Variants in TMC1 observed in about 807,000 individuals in gnomAD.
TMC1 encodes transmembrane channel like 1, also known as transmembrane channel-like protein 1.
A neutral mutation model predicts 105.8 loss-of-function variants in TMC1; 84 were observed. That is an observed-to-expected ratio of 0.79 (90% confidence interval 0.67 to 0.95). The LOEUF (loss-of-function observed/expected upper bound fraction) is 0.95. Among genes scored for constraint, TMC1 ranks in the 40% least tolerant of loss-of-function variants. The pLI is 0.00. For missense variants in TMC1, 817 were observed against 914.1 expected (o/e 0.89, Z 1.37); for synonymous variants, 315 against 311.5 (o/e 1.01, Z -0.12).
chr9:72,755,072 GA>G (rs1827654483), intron 12 of TMC1, among the ~76,000 whole-genome samples, 188 bp downstream of exon 12: 2 of 43,138 alleles, frequency 4.6e-5, no homozygotes, highest in South Asian at 1.0e-3. Context: ...GGGAGGGAGG[GA>G]GAGAGAGAGA....
chr9:72,565,219 CAATAA>C (rs1007679162), intron 1 of TMC1, among the ~76,000 whole-genome samples: 14 of 152,116 alleles, frequency 9.2e-5, no homozygotes, highest in African/African-American at 3.4e-4. Flanking sequence ...GCATTTGAAA[CAATAA>C]AATAATAAAT....
At chr9:72,643,242 C>T (rs1204317873) in intron 4 of TMC1, among the ~76,000 whole-genome samples, 1 of 151,536 alleles carries the variant, frequency 6.6e-6, no homozygotes, top group African/African-American at 2.4e-5. Context: ...ATGTTTATTT[C>T]ATAACATACT....
At chr9:72,711,281 C>A (rs1404567205) in intron 8 of TMC1, among the ~76,000 whole-genome samples, 1 of 152,036 alleles carries the variant, frequency 6.6e-6, no homozygotes, top group Non-Finnish European at 1.5e-5. Flanking sequence ...GGGTATATAC[C>A]CAGTAATGGG....
chr9:72,647,352 A>G (rs1825732263), intron 4 of TMC1, among the ~76,000 whole-genome samples: 2 of 151,974 alleles, frequency 1.3e-5, no homozygotes, highest in South Asian at 4.1e-4. Flanking sequence ...CTTGCAAAAC[A>G]TCTTTTGTTA....
At chr9:72,525,860 C>T (rs1281985471) in intron 1 of TMC1, among the ~76,000 whole-genome samples, 1 of 152,128 alleles carries the variant, frequency 6.6e-6, no homozygotes, top group African/African-American at 2.4e-5. Context: ...TGGTGGCACA[C>T]ACCTGTATTC....
chr9:72,683,515 GTT>G (rs201907657), intron 5 of TMC1, among the ~76,000 whole-genome samples: 6 of 149,036 alleles, frequency 4.0e-5, no homozygotes, highest in South Asian at 2.1e-4. Flanking sequence ...TTTTAAAGAG[GTT>G]TTTTTTTAAA....
intron 12 of TMC1, among the ~76,000 whole-genome samples, chr9:72,761,392 G>T (rs1226837327): frequency 6.6e-6 from 1 of 152,190 alleles, no homozygotes; most frequent in African/African-American, 2.4e-5. Flanking sequence ...AAAGGTTTAA[G>T]TTGTGAGTAA....
chr9:72,626,043 T>C (rs891838123), intron 3 of TMC1, among the ~76,000 whole-genome samples: 2 of 152,144 alleles, frequency 1.3e-5, no homozygotes, highest in Non-Finnish European at 2.9e-5. Context: ...ATAGAGTGAT[T>C]GTATACCTAT....
intron 1 of TMC1, among the ~76,000 whole-genome samples, chr9:72,555,083 T>C (rs184214799): frequency 1.5e-4 from 23 of 152,018 alleles, no homozygotes; most frequent in Admixed American, 7.9e-4. Flanking sequence ...TTCACCATGT[T>C]GGACAGGGTA....
At chr9:72,824,400 C>T (rs1413907082) in intron 20 of TMC1, among the ~76,000 whole-genome samples, 3 of 152,184 alleles carry the variant, frequency 2.0e-5, no homozygotes, top group Non-Finnish European at 4.4e-5. Context: ...TCGGTGGGTC[C>T]CAAGCTCTTG....
chr9:72,670,234 G>A (rs1826108216), intron 5 of TMC1, among the ~76,000 whole-genome samples: 1 of 152,106 alleles, frequency 6.6e-6, no homozygotes, highest in African/African-American at 2.4e-5. Flanking sequence ...ACATAGGCCT[G>A]GGAATAGCTC....
chr9:72,807,124 G>T (rs34810577), intron 18 of TMC1, among the ~76,000 whole-genome samples: 6 of 152,130 alleles, frequency 3.9e-5, no homozygotes, highest in Non-Finnish European at 1.5e-5. Context: ...GTGTCGGCGC[G>T]AGCCTGCAAT....
intron 4 of TMC1, among the ~76,000 whole-genome samples, chr9:72,632,377 A>G (rs895842450): frequency 1.3e-5 from 2 of 152,162 alleles, no homozygotes; most frequent in African/African-American, 4.8e-5. Context: ...TCAACATAAG[A>G]CTTGGAGAGG....
intron 8 of TMC1, among the ~76,000 whole-genome samples, chr9:72,736,100 A>C (rs1827293559): frequency 1.3e-5 from 2 of 152,184 alleles, no homozygotes; most frequent in African/African-American, 4.8e-5. Context: ...TAGAGTCTGG[A>C]CTTTGTTTAA....
intron 12 of TMC1, among the ~76,000 whole-genome samples, chr9:72,758,945 T>C (rs528634953): frequency 6.6e-6 from 1 of 152,278 alleles, no homozygotes; most frequent in Admixed American, 6.5e-5. Flanking sequence ...CTTGTTTCAG[T>C]ATGCATCAAG....
At chr9:72,780,434 C>T (rs1828077262) in intron 13 of TMC1, among the ~76,000 whole-genome samples, 1 of 152,126 alleles carries the variant, frequency 6.6e-6, no homozygotes, top group African/African-American at 2.4e-5. Context: ...TGTAAACGGG[C>T]TAAATGCCAC....
intron 7 of TMC1, among the ~76,000 whole-genome samples, chr9:72,698,271 A>G (rs577173286): frequency 8.2e-4 from 125 of 152,312 alleles, no homozygotes; most frequent in African/African-American, 2.9e-3. Flanking sequence ...ACAAACTGTC[A>G]ATAGGAAGTG....
chr9:72,558,428 C>T (rs1176134178), intron 1 of TMC1, among the ~76,000 whole-genome samples: 1 of 152,164 alleles, frequency 6.6e-6, no homozygotes, highest in Non-Finnish European at 1.5e-5. Context: ...ATTCCAGGGT[C>T]ACAGGGAAAT....
intron 1 of TMC1, among the ~76,000 whole-genome samples, chr9:72,568,021 G>A (rs1014082063): frequency 2.0e-5 from 3 of 151,868 alleles, no homozygotes; most frequent in African/African-American, 2.4e-5. Context: ...GAAAGCCTGG[G>A]ACTAACTGGA....
Sources: allele counts gnomAD v4.1 joint callset (sites outside exome capture counted in the v4.1 genomes callset), GRCh38; gene constraint gnomAD v4.1.1; transcripts MANE v1.5; gene names NCBI Gene and HGNC (gene_info 2026-07-23, HGNC 2026-07-21).